SOBP: variants seen among roughly 807,000 people sequenced by gnomAD.
SOBP encodes sine oculis binding protein homolog, also known as sine oculis-binding protein homolog.
A neutral mutation model predicts 53.6 loss-of-function variants in SOBP; 4 were observed. That is an observed-to-expected ratio of 0.07 (90% CI 0.04 to 0.17). SOBP has a LOEUF of 0.17. SOBP is among the 10% of genes least tolerant of loss of function. The probability of loss-of-function intolerance (pLI) is 1.00; values close to 1 mark genes in which losing one functional copy is unlikely to be tolerated. For synonymous variants in SOBP, 584 were observed against 522.6 expected, an observed-to-expected ratio of 1.12 and a Z score of -1.60; for missense variants, 1,088 against 1,204.7, an observed-to-expected ratio of 0.90 and a Z score of 1.43.
intron 4 of SOBP, among the ~76,000 whole-genome samples, chr6:107,564,934 C>T (rs553245575): frequency 1.6e-4 from 24 of 152,310 alleles, no homozygotes; most frequent in African/African-American, 5.3e-4. Context: ...AACAGACTGC[C>T]TTTGGTTTGC....
intron 6 of SOBP, among the ~76,000 whole-genome samples, chr6:107,643,710 T>A (rs1405435179): frequency 6.6e-6 from 1 of 152,032 alleles, no homozygotes; most frequent in African/African-American, 2.4e-5. Flanking sequence ...TGAGCCACCA[T>A]GCCCAGCCTT....
At chr6:107,516,713 T>G (rs1246398542) in intron 3 of SOBP, among the ~76,000 whole-genome samples, 1 of 152,170 alleles carries the variant, frequency 6.6e-6, no homozygotes, top group Non-Finnish European at 1.5e-5. Flanking sequence ...CAATGATATC[T>G]CTGTATTCCA....
intron 4 of SOBP, among the ~76,000 whole-genome samples, chr6:107,561,485 A>C (rs1784769486): frequency 1.3e-5 from 2 of 152,132 alleles, no homozygotes; most frequent in African/African-American, 2.4e-5. Flanking sequence ...CCGACTGAGG[A>C]GGCTTTCTCC....
chr6:107,650,094 A>T (rs1405807568), intron 6 of SOBP, among the ~76,000 whole-genome samples: 1 of 152,244 alleles, frequency 6.6e-6, no homozygotes, highest in Non-Finnish European at 1.5e-5. Flanking sequence ...TAAGGGATAT[A>T]GCTAAAAGAA....
intron 4 of SOBP, among the ~76,000 whole-genome samples, chr6:107,566,150 C>G (rs1016400710): frequency 1.3e-5 from 2 of 152,236 alleles, no homozygotes; most frequent in African/African-American, 4.8e-5. Context: ...ATAGCATTGT[C>G]TAATCCGTAC....
chr6:107,548,822 C>T (rs565930873), intron 4 of SOBP, among the ~76,000 whole-genome samples: 1 of 152,078 alleles, frequency 6.6e-6, no homozygotes, highest in Non-Finnish European at 1.5e-5. Flanking sequence ...CCTGTAGTCT[C>T]AGCTGCTAGG....
At position 107,587,137 on chromosome 6, in the gene SOBP, A is replaced by G. The variant is rs1785592659; in HGVS notation, c.631A>G (p.Thr211Ala). ...NFPQQHYAKE[T>A]PRLAFKNNCE... ...TCCCCAGCAGCACTATGCTAAGGAA[A>G]CTCCAAGGCTTGCCTTCAAGAATAA... The change falls in exon 5 of 7, where the codon ACT (threonine) becomes GCT (alanine). Residue 211 changes from threonine to alanine, a missense_variant. Thr to Ala is a moderately conservative substitution (Grantham distance 58). Transcript: ENST00000317357. The G allele has an allele frequency of 1.2e-6, 2 of 1,613,660 alleles. No individual in the cohort carries two copies. Among genetic ancestry groups the G allele is most frequent in the Non-Finnish European group, 1.7e-6 (2 of 1,179,790 alleles).
chr6:107,588,605 T>C (rs1185899407), intron 5 of SOBP, among the ~76,000 whole-genome samples: 1 of 152,204 alleles, frequency 6.6e-6, no homozygotes, highest in African/African-American at 2.4e-5. Flanking sequence ...TCAGAATGCT[T>C]TGGGGTAGCT....
At chr6:107,578,073 CA>C (rs11362582) in intron 4 of SOBP, among the ~76,000 whole-genome samples, 40,833 of 87,612 alleles carry the variant, frequency 0.47, 8,770 homozygotes, top group African/African-American at 0.72. Context: ...GACTCTGTCT[CA>C]AAAAAAAAAA....
At chr6:107,529,899 C>T (rs1431890764) in intron 3 of SOBP, among the ~76,000 whole-genome samples, 3 of 152,040 alleles carry the variant, frequency 2.0e-5, no homozygotes, top group Admixed American at 6.6e-5. Flanking sequence ...TAATTAAATT[C>T]GGTACAAATT....
intron 6 of SOBP, among the ~76,000 whole-genome samples, chr6:107,646,777 CTGG>C (rs552424177): frequency 1.2e-4 from 19 of 152,300 alleles, no homozygotes; most frequent in African/African-American, 4.1e-4. Context: ...CAGTGGGCTC[CTGG>C]TGGTGAAGGA....
intron 5 of SOBP, among the ~76,000 whole-genome samples, chr6:107,611,847 C>T (rs184109563): frequency 2.0e-5 from 3 of 152,060 alleles, no homozygotes; most frequent in Admixed American, 6.5e-5. Context: ...CTAATTCCAT[C>T]GGGAAAACTG....
chr6:107,597,550 T>A (rs1171434913), intron 5 of SOBP, among the ~76,000 whole-genome samples: 4 of 152,212 alleles, frequency 2.6e-5, no homozygotes, highest in Non-Finnish European at 5.9e-5. Context: ...ATTTATGAGT[T>A]TATGGCATTT....
At chr6:107,536,040 GC>G (rs1783988734) in intron 4 of SOBP, among the ~76,000 whole-genome samples, 1 of 151,764 alleles carries the variant, frequency 6.6e-6, no homozygotes, top group African/African-American at 2.4e-5. Flanking sequence ...TTTTTTTCTG[GC>G]TAAATTCTAC....
intron 3 of SOBP, among the ~76,000 whole-genome samples, chr6:107,519,488 G>A (rs924610053): frequency 9.2e-5 from 14 of 152,230 alleles, no homozygotes; most frequent in Non-Finnish European, 1.3e-4. Context: ...CAGCTTGGGC[G>A]TGTGCATTCT....
At chr6:107,628,129 T>G (rs1770542673) in intron 5 of SOBP, among the ~76,000 whole-genome samples, 1 of 152,230 alleles carries the variant, frequency 6.6e-6, no homozygotes, top group South Asian at 2.1e-4. Flanking sequence ...CAAACAGCAG[T>G]TGAGCCGAAG....
At chr6:107,636,549 T>C (rs1771051347) in intron 6 of SOBP, among the ~76,000 whole-genome samples, 1 of 152,090 alleles carries the variant, frequency 6.6e-6, no homozygotes, top group Admixed American at 6.5e-5. Context: ...CAGCCCAAGC[T>C]CTCCCGTCTA....
chr6:107,492,120 A>G (rs1782595380), intron 1 of SOBP, among the ~76,000 whole-genome samples: 1 of 152,240 alleles, frequency 6.6e-6, no homozygotes, highest in South Asian at 2.1e-4. Context: ...TTGGAAATCA[A>G]TGCTGTTTCT....
chr6:107,529,345 T>C, intron 3 of SOBP: 2 of 550,458 alleles, frequency 3.6e-6, no homozygotes, highest in Non-Finnish European at 4.6e-6. Flanking sequence ...CCATGGGCCA[T>C]TTCATGTCAT....
Sources: allele counts gnomAD v4.1 joint callset (sites outside exome capture counted in the v4.1 genomes callset), GRCh38; gene constraint gnomAD v4.1.1; transcripts MANE v1.5; gene names NCBI Gene and HGNC (gene_info 2026-07-23, HGNC 2026-07-21).